PHACTR1: variants seen among roughly 807,000 people sequenced by gnomAD.
PHACTR1 encodes the protein RPEL repeat containing 1.
In PHACTR1, 16 loss-of-function variants were observed where a neutral mutation model predicts 69.2. The ratio of observed to expected loss-of-function variants is 0.23; its 90% CI spans 0.16 to 0.35. The LOEUF (loss-of-function observed/expected upper bound fraction) is 0.35, where lower values mean the gene tolerates loss of function less well. Among genes scored for constraint, PHACTR1 ranks in the 10% least tolerant of loss-of-function variants. The pLI, the probability that PHACTR1 is intolerant of heterozygous loss-of-function variation, is 1.00. For missense variants in PHACTR1, 510 were observed against 734.7 expected (o/e 0.69, Z 3.54); for synonymous variants, 312 against 284.5 (o/e 1.10, Z -0.97).
intron 7 of PHACTR1, among the ~76,000 whole-genome samples, chr6:13,202,405 G>T (rs893601872): frequency 1.3e-5 from 2 of 151,818 alleles, no homozygotes; most frequent in Non-Finnish European, 1.5e-5. Flanking sequence ...TCAAATGAAG[G>T]ACTATGGGTT....
At chr6:12,973,961 A>G (rs1300481451) in intron 4 of PHACTR1, among the ~76,000 whole-genome samples, 2 of 119,554 alleles carry the variant, frequency 1.7e-5, no homozygotes, top group East Asian at 4.6e-4. Flanking sequence ...TCGCTCTCTC[A>G]CCCAGGCTGG....
rs556436222 is a variant in PHACTR1 at position 12,913,083 on chromosome 6, G to A, written c.251-140282G>A. 3.9e-5 allele frequency among the ~76,000 whole-genome samples: 6 copies of A among 152,314 alleles called. No individual in the cohort carries two copies. In the East Asian group the frequency reaches 7.7e-4, roughly 20 times the overall value. On this transcript the variant is annotated intron_variant, in intron 4 of 14. Transcript: ENST00000332995. ...CAGCATGCATACTTTAGCAATATCC[G>A]ATCAGAAACCAAGTTTCCTACAGAA...
At chr6:13,177,172 TAAAAAAA>T (rs530741132) in intron 6 of PHACTR1, among the ~76,000 whole-genome samples, 657 of 63,372 alleles carry the variant, frequency 0.01, 14 homozygotes, top group African/African-American at 0.063. Context: ...ACCCCATCTC[TAAAAAAA>T]AAAAAAAAAA....
At chr6:12,877,375 C>T (rs1782634217) in intron 4 of PHACTR1, among the ~76,000 whole-genome samples, 1 of 152,160 alleles carries the variant, frequency 6.6e-6, no homozygotes, top group African/African-American at 2.4e-5. Context: ...GATGGCCATC[C>T]AGGGTGACAG....
chr6:12,781,972 C>T (rs899071291), intron 4 of PHACTR1, among the ~76,000 whole-genome samples: 19 of 152,230 alleles, frequency 1.2e-4, no homozygotes, highest in African/African-American at 4.6e-4. Flanking sequence ...AGTCACCCAT[C>T]TGACACTCAT....
In PHACTR1 at chr6:12,961,673, T is replaced by A. The variant is rs150102211; in HGVS notation, c.251-91692T>A. On this transcript the variant is annotated intron_variant, in intron 4 of 14. Coordinates refer to ENST00000332995, the MANE Select transcript of PHACTR1 (RefSeq NM_030948.6). Reference sequence around the variant, plus strand: ...ATAGATAGTAATGAAGAAAATCACCTTGGATAGTCCATAGCTGATGTATTG... The same window carrying A: ...ATAGATAGTAATGAAGAAAATCACCATGGATAGTCCATAGCTGATGTATTG... 2.3e-4 allele frequency among the ~76,000 whole-genome samples: 35 copies of A among 152,348 alleles called. 1 individual carries two copies. In the East Asian group the frequency reaches 6.7e-3, roughly 29 times the overall value.
At chr6:12,774,036 G>A (rs922476586) in intron 4 of PHACTR1, among the ~76,000 whole-genome samples, 4 of 152,294 alleles carry the variant, frequency 2.6e-5, no homozygotes, top group South Asian at 4.1e-4. Context: ...GAAAAAGAAC[G>A]AGAGAGTAAG....
intron 10 of PHACTR1, among the ~76,000 whole-genome samples, chr6:13,233,605 T>A (rs1771558619): frequency 6.6e-6 from 1 of 152,068 alleles, no homozygotes; most frequent in Non-Finnish European, 1.5e-5. Context: ...TATAAAACCA[T>A]CAGATCTCGT....
intron 8 of PHACTR1, among the ~76,000 whole-genome samples, chr6:13,211,744 T>A (rs1314657528): frequency 6.6e-6 from 1 of 152,194 alleles, no homozygotes; most frequent in Non-Finnish European, 1.5e-5. Flanking sequence ...ATGCTCCTTC[T>A]TCTCCTGCCT....
chr6:13,262,018 A>G (rs889040733), intron 10 of PHACTR1, among the ~76,000 whole-genome samples: 1 of 152,200 alleles, frequency 6.6e-6, no homozygotes, highest in Admixed American at 6.5e-5. Context: ...AGCACTGTAA[A>G]GGCATACTTA....
At chr6:13,066,304 T>C (rs1392316477) in intron 5 of PHACTR1, among the ~76,000 whole-genome samples, 1 of 152,162 alleles carries the variant, frequency 6.6e-6, no homozygotes, top group African/African-American at 2.4e-5. Flanking sequence ...GATAAGTACA[T>C]GTTGAACTGA....
At chr6:12,782,746 G>A (rs945804581) in intron 4 of PHACTR1, among the ~76,000 whole-genome samples, 1 of 152,174 alleles carries the variant, frequency 6.6e-6, no homozygotes, top group Non-Finnish European at 1.5e-5. Context: ...GACAGGCAAA[G>A]TAACAGAGAA....
intron 4 of PHACTR1, among the ~76,000 whole-genome samples, chr6:13,052,283 A>G (rs926918052): frequency 4.6e-5 from 7 of 152,246 alleles, no homozygotes; most frequent in South Asian, 4.1e-4. Context: ...AGTTAAAACT[A>G]TGTTCAGACC....
rs1409814982 is a variant in PHACTR1, at chr6:12,780,997, T to C, written c.250+31207T>C. On this transcript the variant is annotated intron_variant, in intron 4 of 14. Transcript: ENST00000332995. ...CAGAAGAGGCTGCTGAAGGACCTTT[T>C]GCACAATTTGGCAGTCATACTATTC... Among the ~76,000 whole-genome samples, 3 of 152,216 alleles carry C rather than the reference T, an allele frequency of 2.0e-5. No individual in the cohort carries two copies. The East Asian group carries it at 5.8e-4, about 29-fold the overall frequency.
intron 4 of PHACTR1, among the ~76,000 whole-genome samples, chr6:12,766,246 T>G (rs1222489480): frequency 2.6e-5 from 4 of 152,236 alleles, no homozygotes; most frequent in Non-Finnish European, 4.4e-5. Flanking sequence ...GGAATTTTTC[T>G]TTCAGTCTGT....
At chr6:12,898,418 G>A (rs1029769061) in intron 4 of PHACTR1, among the ~76,000 whole-genome samples, 1 of 152,084 alleles carries the variant, frequency 6.6e-6, no homozygotes, top group African/African-American at 2.4e-5. Context: ...CCCCGACTCA[G>A]CCTCCACTCG....
In PHACTR1 at chr6:13,186,345, C is replaced by A. The variant is rs530043988; in HGVS notation, c.664+3659C>A. On this transcript the variant is annotated intron_variant, in intron 7 of 14. Transcript: ENST00000332995. ...TGGTGATATATTGTAAACTGATTTT[C>A]GTGTTAGTAACAATTCCACAACGTG... Among the ~76,000 whole-genome samples the A allele has an allele frequency of 2.6e-5, 4 of 152,278 alleles. No individual in the cohort carries two copies. In the East Asian group the frequency reaches 7.7e-4, roughly 29 times the overall value.
chr6:12,745,400 G>A (rs777295226), intron 3 of PHACTR1, among the ~76,000 whole-genome samples: 11 of 152,174 alleles, frequency 7.2e-5, no homozygotes, highest in Non-Finnish European at 1.5e-4. Context: ...TTAGAAAGAC[G>A]CAATCATGGG....
chr6:13,199,499 G>A (rs545109901), intron 7 of PHACTR1, among the ~76,000 whole-genome samples: 6 of 149,840 alleles, frequency 4.0e-5, no homozygotes, highest in Non-Finnish European at 7.4e-5. Context: ...AAATGTAATC[G>A]CCTCACTAAA....
Sources: gnomAD v4.1 joint callset for allele counts (sites outside exome capture counted in the v4.1 genomes callset) on GRCh38, gnomAD v4.1.1 for gene constraint, MANE v1.5 for transcripts, NCBI Gene and HGNC (gene_info 2026-07-23, HGNC 2026-07-21) for gene names.